PTPRD: variants seen among roughly 807,000 people sequenced by gnomAD.
PTPRD encodes the protein protein tyrosine phosphatase receptor type D.
Under a neutral mutation model 214.5 loss-of-function variants are expected in PTPRD, and 34 were observed. The ratio of observed to expected loss-of-function variants is 0.16; its 90% CI spans 0.12 to 0.21. The LOEUF is 0.21. Ranked by LOEUF, PTPRD falls within the 10% of genes least tolerant of loss-of-function variation. The pLI, the probability that PTPRD is intolerant of heterozygous loss-of-function variation, is 1.00. For missense variants in PTPRD, 2,545 were observed against 2,398.7 expected (o/e 1.06, Z -1.27); for synonymous variants, 1,128 against 845.7 (o/e 1.33, Z -5.79).
intron 30 of PTPRD, among the ~76,000 whole-genome samples, chr9:8,478,237 T>TAAA (rs1409183553): frequency 6.6e-6 from 1 of 152,176 alleles, no homozygotes; most frequent in Non-Finnish European, 1.5e-5. Context: ...AATTTAAGCC[T>TAAA]TTGTGAGTTA....
intron 9 of PTPRD, among the ~76,000 whole-genome samples, chr9:9,195,738 C>G (rs1238666835): frequency 6.8e-6 from 1 of 146,524 alleles, no homozygotes; most frequent in Non-Finnish European, 1.5e-5. Context: ...AAAGTGTATA[C>G]AAAGACAATT....
intron 5 of PTPRD, among the ~76,000 whole-genome samples, chr9:9,917,120 G>A (rs1216539638): frequency 6.7e-6 from 1 of 149,978 alleles, no homozygotes; most frequent in Admixed American, 6.7e-5. Context: ...TAGAAAAATT[G>A]TAAATAAACA....
At chr9:9,413,770 G>C (rs1326106389) in intron 8 of PTPRD, among the ~76,000 whole-genome samples, 2 of 152,156 alleles carry the variant, frequency 1.3e-5, no homozygotes, top group Non-Finnish European at 2.9e-5. Context: ...ATCTGTCTCT[G>C]AGGATTGTTA....
intron 11 of PTPRD, among the ~76,000 whole-genome samples, chr9:8,846,654 T>C (rs1182424632): frequency 6.6e-6 from 1 of 151,998 alleles, no homozygotes; most frequent in African/African-American, 2.4e-5. Flanking sequence ...TGCTCAAAAT[T>C]ACAGTAGAAA....
At chr9:10,592,482 A>G (rs889738645) in intron 2 of PTPRD, among the ~76,000 whole-genome samples, 2 of 152,094 alleles carry the variant, frequency 1.3e-5, no homozygotes, top group African/African-American at 2.4e-5. Flanking sequence ...ATGAATAAAG[A>G]CTTGGGACCC....
chr9:9,237,805 A>T (rs2099967842), intron 9 of PTPRD, among the ~76,000 whole-genome samples: 1 of 152,126 alleles, frequency 6.6e-6, no homozygotes, highest in South Asian at 2.1e-4. Flanking sequence ...CTATATGTTC[A>T]GTCCCTCTGT....
chr9:8,620,974 G>T (rs1428167627), intron 14 of PTPRD, among the ~76,000 whole-genome samples: 2 of 151,984 alleles, frequency 1.3e-5, no homozygotes, highest in Non-Finnish European at 2.9e-5. Flanking sequence ...TAAGTCTAAA[G>T]CTTACGAAAC....
chr9:9,170,991 A>T (rs774345959), intron 10 of PTPRD, among the ~76,000 whole-genome samples: 2 of 152,176 alleles, frequency 1.3e-5, no homozygotes, highest in African/African-American at 4.8e-5. Context: ...GCTCCTCTAC[A>T]TCATAGGCCC....
At chr9:9,946,054 C>G (rs1226883502) in intron 4 of PTPRD, among the ~76,000 whole-genome samples, 1 of 152,070 alleles carries the variant, frequency 6.6e-6, no homozygotes, top group Non-Finnish European at 1.5e-5. Flanking sequence ...GGATCCTTTC[C>G]CAGTTGGGAA....
intron 11 of PTPRD, among the ~76,000 whole-genome samples, chr9:8,891,282 C>T (rs554780086): frequency 1.3e-5 from 2 of 151,684 alleles, no homozygotes; most frequent in African/African-American, 4.8e-5. Flanking sequence ...TACAGGCACC[C>T]GCCACCACGC....
At chr9:10,574,479 CT>C (rs1362386728) in intron 2 of PTPRD, among the ~76,000 whole-genome samples, 2 of 151,966 alleles carry the variant, frequency 1.3e-5, no homozygotes, top group East Asian at 1.9e-4. Context: ...CACATCACCC[CT>C]GTCTTCAGGT....
At chr9:10,239,614 GAAT>G (rs60328863) in intron 3 of PTPRD, among the ~76,000 whole-genome samples, 95,589 of 151,142 alleles carry the variant, frequency 0.63, 32,405 homozygotes, top group Non-Finnish European at 0.75. Flanking sequence ...TGTGATAGCA[GAAT>G]AATAATAATG....
At chr9:8,898,596 T>G (rs1412987313) in intron 11 of PTPRD, among the ~76,000 whole-genome samples, 4 of 152,334 alleles carry the variant, frequency 2.6e-5, no homozygotes, top group African/African-American at 9.6e-5. Context: ...ATACAGAGGT[T>G]GAGTGAGATT....
intron 12 of PTPRD, among the ~76,000 whole-genome samples, chr9:8,726,565 C>A (rs2098561664): frequency 2.2e-5 from 1 of 45,330 alleles, no homozygotes; most frequent in Non-Finnish European, 3.6e-5. Context: ...AACTCGGTCT[C>A]TACTAAAAAA....
At chr9:10,105,090 A>C (rs557383579) in intron 3 of PTPRD, among the ~76,000 whole-genome samples, 1 of 151,794 alleles carries the variant, frequency 6.6e-6, no homozygotes, top group Non-Finnish European at 1.5e-5. Flanking sequence ...CTCATTCTCC[A>C]TAACTCTGAA....
intron 14 of PTPRD, among the ~76,000 whole-genome samples, chr9:8,544,138 G>A (rs1037340297): frequency 1.3e-5 from 2 of 150,376 alleles, no homozygotes; most frequent in African/African-American, 4.9e-5. Flanking sequence ...GCATTAGGCT[G>A]GTGCAAAAGT....
chr9:8,750,776 G>A (rs920238424), intron 11 of PTPRD, among the ~76,000 whole-genome samples: 3 of 152,134 alleles, frequency 2.0e-5, no homozygotes, highest in Non-Finnish European at 4.4e-5. Flanking sequence ...AGTGGGCCCA[G>A]GTTGCACAGG....
chr9:10,225,978 C>T (rs774477546), intron 3 of PTPRD, among the ~76,000 whole-genome samples: 2 of 152,032 alleles, frequency 1.3e-5, no homozygotes, highest in Non-Finnish European at 2.9e-5. Context: ...ATGTCCAGTA[C>T]ATGTATCTTA....
intron 3 of PTPRD, among the ~76,000 whole-genome samples, chr9:10,274,804 C>T (rs979004108): frequency 1.4e-4 from 22 of 152,084 alleles, no homozygotes; most frequent in African/African-American, 5.1e-4. Flanking sequence ...TATTTTCTGA[C>T]ACCTCTCCTT....
Sources: gnomAD v4.1 joint callset for allele counts (sites outside exome capture counted in the v4.1 genomes callset) on GRCh38, gnomAD v4.1.1 for gene constraint, MANE v1.5 for transcripts, NCBI Gene and HGNC (gene_info 2026-07-23, HGNC 2026-07-21) for gene names.